The following DNAH8 variants were observed in gnomAD, a reference collection of about 807,000 sequenced individuals.
The protein encoded by DNAH8 is axonemal beta dynein heavy chain 8.
Under a neutral mutation model 562.1 loss-of-function variants are expected in DNAH8, and 382 were observed. The ratio of observed to expected loss-of-function variants is 0.68; its 90% CI spans 0.63 to 0.74. The LOEUF (loss-of-function observed/expected upper bound fraction) is 0.74, where lower values mean the gene tolerates loss of function less well. DNAH8 is among the 30% of genes least tolerant of loss of function. The pLI is 0.00. For synonymous variants in DNAH8, 1,881 were observed against 1,919.4 expected, an observed-to-expected ratio of 0.98 and a Z score of 0.52; for missense variants, 5,203 against 5,620.4, an observed-to-expected ratio of 0.93 and a Z score of 2.37.
chr6:38,830,634 C>CAAAAAA (rs56761180), intron 30 of DNAH8, among the ~76,000 whole-genome samples: 3 of 90,450 alleles, frequency 3.3e-5, no homozygotes, highest in Non-Finnish European at 4.3e-5. Context: ...GACTCTATCT[C>CAAAAAA]AAAAAAAAAA....
intron 24 of DNAH8, among the ~76,000 whole-genome samples, chr6:38,811,257 A>G (rs759512324): frequency 5.9e-5 from 9 of 152,352 alleles, no homozygotes; most frequent in Non-Finnish European, 1.3e-4. Flanking sequence ...TGACCACATA[A>G]CTTATTGTTC....
intron 87 of DNAH8, among the ~76,000 whole-genome samples, chr6:38,987,108 A>G (rs1441287807): frequency 2.6e-5 from 4 of 152,218 alleles, no homozygotes; most frequent in Admixed American, 6.5e-5. Flanking sequence ...GAGCTCAGGC[A>G]TGGAGATAAG....
At chr6:38,950,187 T>TAC (rs1313188544) in intron 81 of DNAH8, among the ~76,000 whole-genome samples, 19 of 79,700 alleles carry the variant, frequency 2.4e-4, no homozygotes, top group Non-Finnish European at 4.3e-4. Context: ...TGTGTGTGTC[T>TAC]GCGTGTGTGT....
rs564026937 is a variant in DNAH8 at position 38,986,505 on chromosome 6, G to A, written c.13053+2198G>A. Among the ~76,000 whole-genome samples the A allele has an allele frequency of 2.6e-5, 4 of 152,002 alleles. No homozygotes were observed. The South Asian group carries it at 6.2e-4, about 24-fold the overall frequency. ...ATGGGGAAAAATTAAAATAAAAGGG[G>A]CCTAGATTCATAAAAATAATAAACT... On this transcript the variant is annotated intron_variant, in intron 87 of 92. Coordinates refer to ENST00000327475, the MANE Select transcript of DNAH8 (RefSeq NM_001206927.2).
chr6:38,892,509 C>T (rs907379103), intron 58 of DNAH8, among the ~76,000 whole-genome samples: 4 of 152,132 alleles, frequency 2.6e-5, no homozygotes, highest in African/African-American at 9.7e-5. Flanking sequence ...TGGCCTACAT[C>T]GAGTCCATCA....
At chr6:38,937,910 A>G in intron 77 of DNAH8, 64 bp from the exon 78 acceptor site, 1 of 1,514,990 alleles carries the variant, frequency 6.6e-7, no homozygotes, top group Non-Finnish European at 8.9e-7. Flanking sequence ...TTTTCAGAAG[A>G]GATGTATCTT....
At chr6:38,780,408 T>C (rs1414407030) in intron 15 of DNAH8, among the ~76,000 whole-genome samples, 2 of 152,202 alleles carry the variant, frequency 1.3e-5, no homozygotes, top group African/African-American at 4.8e-5. Context: ...ATTGCAGCAC[T>C]ATTCACAATA....
intron 45 of DNAH8, among the ~76,000 whole-genome samples, chr6:38,865,709 G>A (rs1004302246): frequency 3.3e-5 from 5 of 152,180 alleles, no homozygotes; most frequent in Non-Finnish European, 7.3e-5. Flanking sequence ...GCAGCTGCAA[G>A]GCAGGCTGGG....
At chr6:38,866,509 G>C in intron 45 of DNAH8, 82 bp from the exon 46 acceptor site, 1 of 978,360 alleles carries the variant, frequency 1.0e-6, no homozygotes, top group Non-Finnish European at 1.5e-6. Flanking sequence ...CTTAAAATCT[G>C]AATTAGGGGT....
intron 67 of DNAH8, among the ~76,000 whole-genome samples, chr6:38,914,647 G>A (rs2150538246): frequency 6.6e-6 from 1 of 152,116 alleles, no homozygotes; most frequent in South Asian, 2.1e-4. Flanking sequence ...ATGGTGCCCG[G>A]CCTATGTGCT....
At position 38,830,840 on chromosome 6, in the gene DNAH8, C is replaced by G. The variant is rs1040035275; in HGVS notation, c.4189-1482C>G. Among the ~76,000 whole-genome samples, 3 of 152,276 alleles carry G rather than the reference C, an allele frequency of 2.0e-5. No homozygotes were observed. In the East Asian group the frequency reaches 5.8e-4, roughly 29 times the overall value. Reference sequence around the variant, plus strand: ...GTCACAGCTTGTGACTATAGCTCCACTACCAGTCAACTGGATGATTTTATG... The same window carrying G: ...GTCACAGCTTGTGACTATAGCTCCAGTACCAGTCAACTGGATGATTTTATG... On this transcript the variant is annotated intron_variant, in intron 30 of 92. Transcript: ENST00000327475.
intron 45 of DNAH8, among the ~76,000 whole-genome samples, chr6:38,865,434 T>C (rs1432825035): frequency 6.6e-6 from 1 of 152,146 alleles, no homozygotes; most frequent in African/African-American, 2.4e-5. Context: ...ATATTGGAAA[T>C]AGCAATTAGA....
At chr6:38,838,129 A>C in intron 33 of DNAH8, 87 bp downstream of exon 33, 1 of 826,906 alleles carries the variant, frequency 1.2e-6, no homozygotes, top group Non-Finnish European at 1.9e-6. Flanking sequence ...ATCCTTTATC[A>C]TGCAGAGGAC....
chr6:38,960,538 T>G (rs1762545996), intron 82 of DNAH8, among the ~76,000 whole-genome samples: 1 of 151,820 alleles, frequency 6.6e-6, no homozygotes, highest in African/African-American at 2.4e-5. Context: ...ACATAATTGG[T>G]CATCAGAGAA....
intron 62 of DNAH8, among the ~76,000 whole-genome samples, chr6:38,900,392 C>T (rs4711561): frequency 0.041 from 6,219 of 152,240 alleles, 348 homozygotes; most frequent in East Asian, 0.28. Flanking sequence ...TCTTGATAAA[C>T]ATTTGGTTTG....
intron 49 of DNAH8, among the ~76,000 whole-genome samples, chr6:38,872,089 TC>T (rs1777512415): frequency 6.6e-6 from 1 of 152,176 alleles, no homozygotes; most frequent in African/African-American, 2.4e-5. Context: ...GAATCCTCAT[TC>T]ATGATGTACT....
chr6:38,743,861 T>C (rs113156399), intron 8 of DNAH8, among the ~76,000 whole-genome samples: 3,550 of 152,298 alleles, frequency 0.023, 125 homozygotes, highest in African/African-American at 0.08. Context: ...TGTGTTGATA[T>C]ATATTGTCAT....
chr6:38,778,486 G>C (rs753687605), intron 14 of DNAH8, 22 bp downstream of exon 14: 2 of 1,420,354 alleles, frequency 1.4e-6, no homozygotes, highest in South Asian at 1.3e-5. Context: ...ACTTTAAGCA[G>C]AGTAGTTTCT....
chr6:38,801,785 T>G (rs1234199794), intron 21 of DNAH8, among the ~76,000 whole-genome samples: 1 of 152,094 alleles, frequency 6.6e-6, no homozygotes, highest in Admixed American at 6.6e-5. Context: ...GAGAATGCAT[T>G]CAGATACAGA....
Sources: gnomAD v4.1 joint callset for allele counts (sites outside exome capture counted in the v4.1 genomes callset) on GRCh38, gnomAD v4.1.1 for gene constraint, MANE v1.5 for transcripts, NCBI Gene and HGNC (gene_info 2026-07-23, HGNC 2026-07-21) for gene names.